Variants in SLC4A9 observed in about 807,000 individuals in gnomAD.
The protein encoded by SLC4A9 is anion exchange protein 4.
Under a neutral mutation model 103.2 loss-of-function variants are expected in SLC4A9, and 102 were observed. The ratio of observed to expected loss-of-function variants is 0.99; its 90% CI spans 0.84 to 1.17. The LOEUF (loss-of-function observed/expected upper bound fraction) is 1.17. Among genes scored for constraint, SLC4A9 ranks in the 50% most tolerant of loss-of-function variants. SLC4A9 has a pLI of 0.00. For synonymous variants in SLC4A9, 453 were observed against 483.6 expected, an observed-to-expected ratio of 0.94 and a Z score of 0.83; for missense variants, 1,091 against 1,193.7, an observed-to-expected ratio of 0.91 and a Z score of 1.27.
intron 6 of SLC4A9, 83 bp downstream of exon 6, chr5:140,362,615 C>T: frequency 1.5e-6 from 2 of 1,342,452 alleles, no homozygotes; most frequent in Non-Finnish European, 2.1e-6. Flanking sequence ...TGCATGGGCT[C>T]ATGTGAGTGT....
At chr5:140,371,012 G>T in intron 17 of SLC4A9, 83 bp from the exon 18 acceptor site, 1 of 1,237,038 alleles carries the variant, frequency 8.1e-7, no homozygotes, top group Non-Finnish European at 1.2e-6. Context: ...GATGCTAGAG[G>T]GATCTAGGGC....
intron 5 of SLC4A9, 115 bp downstream of exon 5, chr5:140,362,289 C>T (rs1376832408): frequency 9.2e-6 from 12 of 1,311,086 alleles, no homozygotes; most frequent in Non-Finnish European, 1.1e-5. Flanking sequence ...GGATGGTGCT[C>T]AGGGGTCTGG....
chr5:140,365,745 G>A, intron 12 of SLC4A9, 89 bp from the exon 13 acceptor site: 1 of 1,483,816 alleles, frequency 6.7e-7, no homozygotes, highest in Non-Finnish European at 9.2e-7. Flanking sequence ...TGGTGTCTCT[G>A]TGGGTCCCTC....
rs534298986 is a variant in SLC4A9, at chr5:140,372,600, G to T, written c.2827-145G>T. On this transcript the variant is annotated intron_variant, in intron 20 of 21. Coordinates refer to ENST00000506757, the MANE Select transcript of SLC4A9 (RefSeq NM_031467.3). The stretch of plus-strand genomic sequence containing the variant: ...AGGACAGGGGCCCTCGATGTGGGTG[G>T]AAAGGGCTGAGGCTTCAGCTCAAGT... 9 of 1,438,808 alleles carry T rather than the reference G, an allele frequency of 6.3e-6. No individual in the cohort carries two copies. The African/African-American group carries it at 1.3e-4, about 21-fold the overall frequency. The allele number at this position is 1,438,808 out of a possible 1,614,324, so 89.1% of individuals were successfully genotyped here.
chr5:140,372,658 G>C, intron 20 of SLC4A9, 87 bp from the exon 21 acceptor site: 1 of 1,451,798 alleles, frequency 6.9e-7, no homozygotes, highest in Non-Finnish European at 9.1e-7. Context: ...TCTTTGTTTT[G>C]TCTCACTGTG....
intron 10 of SLC4A9, 68 bp downstream of exon 10, chr5:140,364,255 A>G (rs1385693543): frequency 1.3e-5 from 21 of 1,578,264 alleles, no homozygotes; most frequent in East Asian, 2.2e-5. Context: ...GGCTGGGTGA[A>G]TAGGAGAGAG....
rs774662379 is a variant in SLC4A9 at position 140,365,913 on chromosome 5, G to A, written c.1790G>A (p.Cys597Tyr). 6.2e-7 allele frequency: 1 copy of A among 1,613,894 alleles called. No individual in the cohort carries two copies. The highest frequency in any genetic ancestry group is 1.3e-5 in the African/African-American group (1 of 74,932). ...RQGGHPRGPG[C>Y]HTVPDIAFFS... The stretch of plus-strand genomic sequence containing the variant: ...GGAGGCCACCCTCGTGGCCCTGGCT[G>A]TCATACAGTCCCAGACATTGCCTTC... Residue 597 changes from cysteine to tyrosine, a missense_variant, in exon 13 of 22, where the codon TGT becomes TAT. Cys to Tyr is a radical substitution (Grantham distance 194). Transcript: ENST00000506757.
intron 18 of SLC4A9, 111 bp downstream of exon 18, chr5:140,371,274 T>G: frequency 2.1e-6 from 3 of 1,414,526 alleles, no homozygotes; most frequent in Admixed American, 1.9e-5. Context: ...TGCTGGCATC[T>G]CCTGCTTACA....
At position 140,363,623 on chromosome 5, in the gene SLC4A9, G is replaced by A; in HGVS notation, c.1079+68G>A. On this transcript the variant is annotated intron_variant, in intron 8 of 21. Coordinates refer to ENST00000506757, the MANE Select transcript of SLC4A9 (RefSeq NM_031467.3). The surrounding 1 kb of genome is among the most constrained non-coding windows in gnomAD (Gnocchi z 4.5). ...AGGGGAGGAGTCACAGGGAAACTGA[G>A]GTGTGTGCTCACTGTGGGAGGGGCT... The A allele has an allele frequency of 6.4e-7, 1 of 1,566,022 alleles. No homozygotes were observed. Among genetic ancestry groups the A allele is most frequent in the Non-Finnish European group, 8.7e-7 (1 of 1,153,180 alleles).
chr5:140,362,005 AC>A lies in SLC4A9; in HGVS notation c.562-7del. 1 of 1,612,608 alleles carries A rather than the reference AC, an allele frequency of 6.2e-7. No individual in the cohort carries two copies. Among genetic ancestry groups the A allele is most frequent in the African/African-American group, 1.3e-5 (1 of 74,634 alleles). The stretch of plus-strand genomic sequence containing the variant: ...CCTTTCATATTCTGTGTCTCCTTGA[AC>A]CCCCATCCAGTGTCAGAACCCCCTG... On this transcript the variant is annotated splice_polypyrimidine_tract_variant and intron_variant, in intron 4 of 21. Coordinates refer to ENST00000506757, the MANE Select transcript of SLC4A9 (RefSeq NM_031467.3).
chr5:140,365,580 TGAGGGACTGCTCCTGG>T lies in SLC4A9; in HGVS notation c.1710+7_1710+22del, dbSNP rs754414295. 39 of 1,611,242 alleles carry T rather than the reference TGAGGGACTGCTCCTGG, an allele frequency of 2.4e-5. No homozygotes were observed. The African/African-American group carries it at 4.5e-4, about 19-fold the overall frequency. ...GACAGAGACGACATTGTAAGCATGG[TGAGGGACTGCTCCTGG>T]GAGGTTCTAGGAAGGAAAGGGTGGA... On this transcript the variant is annotated splice_donor_5th_base_variant and intron_variant, in intron 12 of 21. Transcript: ENST00000506757.
rs2126776362 is a variant in SLC4A9, at chr5:140,367,433, G to A, written c.2027G>A (p.Gly676Glu). The A allele has an allele frequency of 6.2e-7, 1 of 1,611,844 alleles. No homozygotes were observed. Among genetic ancestry groups the A allele is most frequent in the Non-Finnish European group, 8.5e-7 (1 of 1,179,188 alleles). Residue 676 changes from glycine to glutamate, a missense_variant, in exon 15 of 22, where the codon GGG becomes GAG. Physicochemically the swap from Gly to Glu is moderately conservative, Grantham distance 98. Coordinates refer to ENST00000506757, the MANE Select transcript of SLC4A9 (RefSeq NM_031467.3). ...VPREFKPTLP[G>E]RGWLVSPFGA... Reference sequence around the variant, plus strand: ...GCCCTCCTCCAGCCCACACTCCCTGGGCGTGGCTGGCTGGTGTCACCTTTT... The same window carrying A: ...GCCCTCCTCCAGCCCACACTCCCTGAGCGTGGCTGGCTGGTGTCACCTTTT...
chr5:140,364,041 T>C lies in SLC4A9; in HGVS notation c.1255-13T>C, dbSNP rs762242043. On this transcript the variant is annotated splice_polypyrimidine_tract_variant and intron_variant, in intron 9 of 21. Transcript: ENST00000506757. ...ACTTCAGGGTCCTGTGCTGAGCCCC[T>C]GTTGGCTTCCAGGGAGTGCTGGAAA... is the stretch of plus-strand genomic sequence containing the variant. 2 of 1,526,754 alleles carry C rather than the reference T, an allele frequency of 1.3e-6. No individual in the cohort carries two copies. The highest frequency in any genetic ancestry group is 2.3e-5 in the East Asian group (1 of 43,604). 94.6% of individuals were successfully genotyped at this position (1,526,754 alleles called of 1,614,324 possible). A position where few individuals can be genotyped will look rare whatever the true frequency, so the allele number is the denominator to read the frequency against.
Position 140,367,820 on chromosome 5 carries a change from C to G in SLC4A9, c.2276C>G (p.Ser759Cys). 6.2e-7 allele frequency: 1 copy of G among 1,613,980 alleles called. No individual in the cohort carries two copies. The highest frequency in any genetic ancestry group is 8.5e-7 in the Non-Finnish European group (1 of 1,179,892). The change falls in exon 16 of 22, where the codon TCC (serine) becomes TGC (cysteine). Residue 759 changes from serine to cysteine, a missense_variant. Transcript: ENST00000506757. Reference protein sequence around the residue: ...LPWYVSATVISLAHMDSLRRE... With the variant: ...LPWYVSATVICLAHMDSLRRE... Reference sequence around the variant, plus strand: ...TGGTATGTCTCAGCCACTGTCATCTCCCTGGCTCACATGGACAGTCTTCGG... The same window carrying G: ...TGGTATGTCTCAGCCACTGTCATCTGCCTGGCTCACATGGACAGTCTTCGG...
chr5:140,371,664 T>C (rs781467649), intron 19 of SLC4A9, 40 bp downstream of exon 19: 2 of 1,606,344 alleles, frequency 1.2e-6, no homozygotes, highest in Non-Finnish European at 1.7e-6. Context: ...TGGAGGGTCT[T>C]GGGAGACTCT....
In SLC4A9 at chr5:140,362,085, G is replaced by A; in HGVS notation, c.630G>A (p.Leu210=). ...CAGGGACTGTGCTGGCAGGGGAGCT[G>A]GGCTTCCTGGCACAGCCACTGGGAG... ...AEAGTVLAGE[L]GFLAQPLGAF... The change falls in exon 5 of 22, where the codon CTG becomes CTA. Residue 210 remains leucine, a synonymous_variant. Coordinates refer to ENST00000506757, the MANE Select transcript of SLC4A9 (RefSeq NM_031467.3). 1 of 1,584,308 alleles carries A rather than the reference G, an allele frequency of 6.3e-7. No individual in the cohort carries two copies. Among genetic ancestry groups the A allele is most frequent in the Non-Finnish European group, 8.5e-7 (1 of 1,172,646 alleles).
intron 14 of SLC4A9, 108 bp from the exon 15 acceptor site, chr5:140,367,312 G>A: frequency 7.5e-7 from 1 of 1,340,330 alleles, no homozygotes; most frequent in Non-Finnish European, 1.0e-6. Context: ...CTAGCATCTA[G>A]TGACTTGGGG....
intron 17 of SLC4A9, chr5:140,370,868 C>T (rs1419394105): frequency 1.8e-6 from 1 of 542,200 alleles, no homozygotes; most frequent in Non-Finnish European, 3.3e-6. Context: ...CTTAGTCCCT[C>T]TGAAATTCAA....
Position 140,365,590 on chromosome 5 carries a change from C to T in SLC4A9, c.1710+12C>T. 6.2e-7 allele frequency: 1 copy of T among 1,610,334 alleles called. No individual in the cohort carries two copies. Among genetic ancestry groups the T allele is most frequent in the Non-Finnish European group, 8.5e-7 (1 of 1,178,168 alleles). ...ACATTGTAAGCATGGTGAGGGACTG[C>T]TCCTGGGAGGTTCTAGGAAGGAAAG... On this transcript the variant is annotated intron_variant, in intron 12 of 21. Transcript: ENST00000506757.
Sources: gnomAD v4.1 joint callset for allele counts on GRCh38, gnomAD v4.1.1 for gene constraint, Gnocchi (gnomAD v3.1) non-coding constraint, MANE v1.5 for transcripts, NCBI Gene and HGNC (gene_info 2026-07-23, HGNC 2026-07-21) for gene names.